WDR59: variants seen among roughly 807,000 people sequenced by gnomAD.
WDR59 encodes GATOR2 complex protein WDR59.
WDR59 carries 100 observed loss-of-function variants against 131.2 expected under a neutral mutation model. The observed-to-expected ratio is 0.76, with a 90% CI of 0.65 to 0.90. WDR59 has a LOEUF of 0.90. Ranked by LOEUF, WDR59 falls within the 40% of genes least tolerant of loss-of-function variation. The pLI is 0.00. For missense variants in WDR59, 1,203 were observed against 1,262.2 expected (o/e 0.95, Z 0.71); for synonymous variants, 601 against 466.2 (o/e 1.29, Z -3.72).
chr16:74,942,094 G>A (rs1211488892), intron 7 of WDR59, among the ~76,000 whole-genome samples: 2 of 152,184 alleles, frequency 1.3e-5, no homozygotes, highest in East Asian at 3.9e-4. Flanking sequence ...CCTCACTGAG[G>A]CCAACACAAT....
chr16:74,887,299 T>C (rs1964814679), intron 23 of WDR59, among the ~76,000 whole-genome samples: 1 of 152,200 alleles, frequency 6.6e-6, no homozygotes, highest in Non-Finnish European at 1.5e-5. Flanking sequence ...AACAGCTTTA[T>C]GATCAACTGG....
In WDR59 at chr16:74,910,588, T is replaced by C. The variant is rs928729646; in HGVS notation, c.1390-671A>G. On this transcript the variant is annotated intron_variant, in intron 14 of 25. Coordinates refer to ENST00000262144, the MANE Select transcript of WDR59 (RefSeq NM_030581.4). ...TAGAAGTAATACTCACTGGCCTGGATTGAAATTGCTCTCAGTGACAAGAGG... is the reference window on the plus strand; with the variant it reads ...TAGAAGTAATACTCACTGGCCTGGACTGAAATTGCTCTCAGTGACAAGAGG... 2.8e-4 allele frequency among the ~76,000 whole-genome samples: 42 copies of C among 152,308 alleles called. 1 individual carries two copies. The highest frequency in any genetic ancestry group is 7.7e-4 in the African/African-American group (32 of 41,550).
intron 25 of WDR59, among the ~76,000 whole-genome samples, chr16:74,883,771 T>C (rs1189855841): frequency 6.6e-6 from 1 of 152,142 alleles, no homozygotes; most frequent in Non-Finnish European, 1.5e-5. Flanking sequence ...CCCTGCACTC[T>C]TCCTTCCCAG....
intron 4 of WDR59, among the ~76,000 whole-genome samples, 179 bp downstream of exon 4, chr16:74,951,279 G>C (rs547279904): frequency 6.6e-6 from 1 of 151,950 alleles, no homozygotes; most frequent in Non-Finnish European, 1.5e-5. Flanking sequence ...CCTAAATGCC[G>C]GCTGTTCCTC....
At chr16:74,910,479 A>G (rs1966033954) in intron 14 of WDR59, among the ~76,000 whole-genome samples, 1 of 152,182 alleles carries the variant, frequency 6.6e-6, no homozygotes, top group African/African-American at 2.4e-5. Context: ...TTTCAGTAAC[A>G]GAAGGACTAT....
At chr16:74,961,565 T>A (rs1490340649) in intron 2 of WDR59, among the ~76,000 whole-genome samples, 1 of 152,202 alleles carries the variant, frequency 6.6e-6, no homozygotes, top group Non-Finnish European at 1.5e-5. Context: ...GAGCTTTTTT[T>A]CATATGTTGG....
intron 25 of WDR59, among the ~76,000 whole-genome samples, chr16:74,880,552 C>T (rs1156887761): frequency 6.6e-6 from 1 of 152,108 alleles, no homozygotes; most frequent in Non-Finnish European, 1.5e-5. Context: ...ACAAGTCCTC[C>T]CAGGAAACTT....
intron 9 of WDR59, 94 bp downstream of exon 9, chr16:74,923,832 T>C (rs2030500633): frequency 8.8e-7 from 1 of 1,142,850 alleles, no homozygotes; most frequent in Admixed American, 2.4e-5. Context: ...GAAAATCACC[T>C]CACAAAGAAA....
intron 1 of WDR59, among the ~76,000 whole-genome samples, chr16:74,974,462 C>T (rs1009003772): frequency 6.6e-6 from 1 of 152,148 alleles, no homozygotes; most frequent in Admixed American, 6.6e-5. Context: ...CTGATATTGT[C>T]ATTTAATCCT....
intron 17 of WDR59, among the ~76,000 whole-genome samples, chr16:74,904,928 A>G (rs1211878106): frequency 6.6e-6 from 1 of 152,256 alleles, no homozygotes; most frequent in Non-Finnish European, 1.5e-5. Context: ...AAATGGTGCT[A>G]GAACAACTAT....
chr16:74,896,399 C>A (rs995956212), intron 18 of WDR59, among the ~76,000 whole-genome samples: 22 of 152,204 alleles, frequency 1.4e-4, no homozygotes, highest in African/African-American at 5.3e-4. Flanking sequence ...GAGGCCAAGG[C>A]AGGCAGATCA....
chr16:74,915,815 C>A, intron 13 of WDR59, 55 bp downstream of exon 13: 2 of 1,609,870 alleles, frequency 1.2e-6, no homozygotes, highest in Non-Finnish European at 8.5e-7. Context: ...AAATGGTTCC[C>A]TCTCCCACAA....
intron 14 of WDR59, 52 bp from the exon 15 acceptor site, chr16:74,909,969 G>GTTTTTTT (rs35006526): frequency 1.1e-6 from 1 of 941,326 alleles, no homozygotes; most frequent in East Asian, 3.2e-5. Flanking sequence ...TCTCTGATAG[G>GTTTTTTT]TTTTTTTTTT....
rs544354698 is a variant in WDR59 at position 74,972,945 on chromosome 16, G to C, written c.55-7123C>G. The stretch of plus-strand genomic sequence containing the variant: ...CAAGATCCAATTTCTATTCAAATTA[G>C]ATATTGGCCAGGCACGGTCGCTCAC... On this transcript the variant is annotated intron_variant, in intron 1 of 25. Coordinates refer to ENST00000262144, the MANE Select transcript of WDR59 (RefSeq NM_030581.4). Among the ~76,000 whole-genome samples, 129 of 147,470 alleles carry C rather than the reference G, an allele frequency of 8.7e-4. 1 individual carries two copies. The highest frequency in any genetic ancestry group is 3.0e-3 in the African/African-American group (121 of 40,074).
chr16:74,916,086 T>G, intron 12 of WDR59, 41 bp downstream of exon 12: 1 of 1,614,010 alleles, frequency 6.2e-7, no homozygotes. Flanking sequence ...CTGCAATGCG[T>G]AGAGTGGCAC....
intron 3 of WDR59, among the ~76,000 whole-genome samples, chr16:74,951,979 C>T (rs1476983638): frequency 6.6e-6 from 1 of 151,892 alleles, no homozygotes; most frequent in Non-Finnish European, 1.5e-5. Flanking sequence ...CCACCTACCA[C>T]AGGTTTTTGT....
At position 74,942,679 on chromosome 16, in the gene WDR59, T is replaced by A. The variant is rs1268736667; in HGVS notation, c.534+59A>T. On this transcript the variant is annotated intron_variant, in intron 7 of 25. Transcript: ENST00000262144. ...CCAAGTCCTGGCACTCATAAAATCA[T>A]CTTCACACCCTCTGGGAGGGATCAA... 4 of 1,565,252 alleles carry A rather than the reference T, an allele frequency of 2.6e-6. No homozygotes were observed. The East Asian group carries it at 9.0e-5, about 35-fold the overall frequency.
At chr16:74,933,822 C>T (rs1406286342) in intron 8 of WDR59, among the ~76,000 whole-genome samples, 2 of 152,142 alleles carry the variant, frequency 1.3e-5, no homozygotes, top group Non-Finnish European at 2.9e-5. Flanking sequence ...TGACCTCAGG[C>T]GATCCACCCG....
intron 17 of WDR59, among the ~76,000 whole-genome samples, chr16:74,907,673 A>G (rs1465255549): frequency 6.6e-6 from 1 of 152,188 alleles, no homozygotes; most frequent in African/African-American, 2.4e-5. Flanking sequence ...GGTTTGCAGC[A>G]GGGAGGTTTG....
Sources: allele counts gnomAD v4.1 joint callset (sites outside exome capture counted in the v4.1 genomes callset), GRCh38; gene constraint gnomAD v4.1.1; transcripts MANE v1.5; gene names NCBI Gene and HGNC (gene_info 2026-07-23, HGNC 2026-07-21).